Variants in AGBL1 observed in about 807,000 individuals in gnomAD.
AGBL1 encodes cytosolic carboxypeptidase 4.
AGBL1 carries 130 observed loss-of-function variants against 118.9 expected under a neutral mutation model. The ratio of observed to expected loss-of-function variants is 1.09; its 90% confidence interval spans 0.95 to 1.26. The LOEUF (loss-of-function observed/expected upper bound fraction) is 1.26. AGBL1 is among the 50% of genes most tolerant of loss of function. The pLI is 0.00. For missense variants in AGBL1, 1,584 were observed against 1,298.1 expected (o/e 1.22, Z -3.38); for synonymous variants, 555 against 478.9 (o/e 1.16, Z -2.08).
chr15:86,834,697 C>G (rs1463335000), intron 22 of AGBL1, among the ~76,000 whole-genome samples: 6 of 152,152 alleles, frequency 3.9e-5, no homozygotes, highest in African/African-American at 1.4e-4. Context: ...AGGGAGCCAA[C>G]TCGGCATGGA....
chr15:86,465,009 G>C (rs967002162), intron 18 of AGBL1, among the ~76,000 whole-genome samples: 3 of 151,972 alleles, frequency 2.0e-5, no homozygotes, highest in African/African-American at 7.3e-5. Flanking sequence ...TTCCAACTTG[G>C]TTCCATTCTC....
chr15:86,262,934 G>A lies in AGBL1; in HGVS notation c.1086+40G>A, dbSNP rs772567921. ...GTGGTTCTGATCTTTGACGATGCAT[G>A]ATGGGTTCTTTGCAGATCCTGGGAG... On this transcript the variant is annotated intron_variant, in intron 10 of 22. Transcript: ENST00000614907. The A allele has an allele frequency of 2.0e-6, 3 of 1,479,946 alleles. No homozygotes were observed. In the South Asian group the frequency reaches 3.6e-5, roughly 18 times the overall value. The allele number at this position is 1,479,946 out of a possible 1,614,324, so 91.7% of individuals were successfully genotyped here. A position where few individuals can be genotyped will look rare whatever the true frequency, so the allele number is the denominator to read the frequency against.
chr15:86,429,935 T>A lies in AGBL1; in HGVS notation c.2555+32389T>A, dbSNP rs182893715. 3.6e-4 allele frequency among the ~76,000 whole-genome samples: 55 copies of A among 152,312 alleles called. 1 individual carries two copies. Among genetic ancestry groups the A allele is most frequent in the African/African-American group, 1.3e-3 (54 of 41,582 alleles). The stretch of plus-strand genomic sequence containing the variant: ...GTTCAGTCAGCTCTTTAGCCTGCAG[T>A]GATGAAGCTTGGAGCTGCTTTTCTG... On this transcript the variant is annotated intron_variant, in intron 18 of 22. Transcript: ENST00000614907.
At chr15:86,231,740 TA>T (rs1250587869) in intron 6 of AGBL1, among the ~76,000 whole-genome samples, 1 of 152,238 alleles carries the variant, frequency 6.6e-6, no homozygotes, top group African/African-American at 2.4e-5. Flanking sequence ...CTGCAGGGCT[TA>T]CCTGCCAGTC....
At chr15:86,815,604 G>C (rs150346464) in intron 22 of AGBL1, among the ~76,000 whole-genome samples, 21 of 152,200 alleles carry the variant, frequency 1.4e-4, no homozygotes, top group Non-Finnish European at 2.8e-4. Context: ...AGATTAATTG[G>C]AGCAAAGAGG....
rs2086434024 is a variant in AGBL1, at chr15:86,705,487, T to G, written c.3158+31051T>G. ...ATCAATCTAGGTAATCCACGTAAAG[T>G]GTTCTTGCATGGCAAGACCTCCATA... On this transcript the variant is annotated intron_variant, in intron 22 of 22. Transcript: ENST00000614907. Among the ~76,000 whole-genome samples, 3 of 152,152 alleles carry G rather than the reference T, an allele frequency of 2.0e-5. No individual in the cohort carries two copies. The South Asian group carries it at 6.2e-4, about 32-fold the overall frequency.
intron 22 of AGBL1, among the ~76,000 whole-genome samples, chr15:86,824,812 C>T (rs1046277832): frequency 6.6e-6 from 1 of 152,054 alleles, no homozygotes; most frequent in African/African-American, 2.4e-5. Flanking sequence ...AATCCCAGCA[C>T]TTTGGGAGGC....
At chr15:86,608,053 T>G (rs1041280245) in intron 21 of AGBL1, among the ~76,000 whole-genome samples, 1 of 152,228 alleles carries the variant, frequency 6.6e-6, no homozygotes, top group Admixed American at 6.5e-5. Context: ...TATTTACAAG[T>G]GCTTTAACAC....
At chr15:86,221,564 T>G (rs1365821346) in intron 5 of AGBL1, among the ~76,000 whole-genome samples, 1 of 152,182 alleles carries the variant, frequency 6.6e-6, no homozygotes. Flanking sequence ...GCTGCAGACA[T>G]GTAACCACTG....
At chr15:86,206,880 T>A (rs1055169623) in intron 5 of AGBL1, among the ~76,000 whole-genome samples, 2 of 152,208 alleles carry the variant, frequency 1.3e-5, no homozygotes, top group African/African-American at 4.8e-5. Context: ...TATGAAGTCC[T>A]TGTCTATGCC....
intron 17 of AGBL1, among the ~76,000 whole-genome samples, chr15:86,325,965 G>T (rs1022793840): frequency 4.6e-5 from 7 of 152,160 alleles, no homozygotes; most frequent in Admixed American, 6.5e-5. Flanking sequence ...TGAGCAGGAA[G>T]TTCTGTTCCC....
At chr15:86,482,311 G>C (rs1189915327) in intron 18 of AGBL1, among the ~76,000 whole-genome samples, 1 of 152,094 alleles carries the variant, frequency 6.6e-6, no homozygotes, top group Non-Finnish European at 1.5e-5. Flanking sequence ...GAGCACAAAT[G>C]GTTATTAATT....
chr15:86,216,845 G>T (rs1417487576), intron 5 of AGBL1, among the ~76,000 whole-genome samples: 1 of 152,106 alleles, frequency 6.6e-6, no homozygotes, highest in East Asian at 1.9e-4. Flanking sequence ...TCTCAGTCCT[G>T]CTCCACTCCT....
At chr15:86,861,985 A>C (rs1049414687) in intron 22 of AGBL1, among the ~76,000 whole-genome samples, 3 of 152,180 alleles carry the variant, frequency 2.0e-5, no homozygotes, top group African/African-American at 7.2e-5. Context: ...GTCTACATGG[A>C]ACTTCAGATT....
intron 3 of AGBL1, among the ~76,000 whole-genome samples, chr15:86,146,085 C>T (rs1204089745): frequency 6.6e-6 from 1 of 152,130 alleles, no homozygotes; most frequent in African/African-American, 2.4e-5. Context: ...GGCCCTGACA[C>T]TTATTAGCTG....
intron 23 of AGBL1, among the ~76,000 whole-genome samples, chr15:86,942,866 A>C (rs955563812): frequency 6.6e-6 from 1 of 152,200 alleles, no homozygotes; most frequent in African/African-American, 2.4e-5. Flanking sequence ...CAATCCACCA[A>C]TAGTTGCTAA....
chr15:86,519,058 G>C (rs531873188), intron 18 of AGBL1, among the ~76,000 whole-genome samples: 1 of 152,168 alleles, frequency 6.6e-6, no homozygotes, highest in East Asian at 1.9e-4. Context: ...ATTTTTCCCT[G>C]TAACTTATTT....
intron 22 of AGBL1, among the ~76,000 whole-genome samples, chr15:86,710,671 G>A (rs1482678553): frequency 1.3e-5 from 2 of 152,154 alleles, no homozygotes; most frequent in Non-Finnish European, 2.9e-5. Context: ...CCTTATCAGT[G>A]TTAAGCATAT....
At chr15:86,702,708 C>T (rs1397730720) in intron 22 of AGBL1, among the ~76,000 whole-genome samples, 1 of 152,222 alleles carries the variant, frequency 6.6e-6, no homozygotes, top group Middle Eastern at 3.4e-3. Context: ...ATTTCCTTCA[C>T]ACTTTTCTTG....
Sources: allele counts gnomAD v4.1 joint callset (sites outside exome capture counted in the v4.1 genomes callset), GRCh38; gene constraint gnomAD v4.1.1; transcripts MANE v1.5; gene names NCBI Gene and HGNC (gene_info 2026-07-23, HGNC 2026-07-21).